The following THSD7A variants were observed in gnomAD, a reference collection of about 807,000 sequenced individuals.
THSD7A encodes thrombospondin type 1 domain containing 7A, also known as thrombospondin type-1 domain-containing protein 7A.
Under a neutral mutation model 231.3 loss-of-function variants are expected in THSD7A, and 96 were observed. The observed-to-expected ratio is 0.41, with a 90% CI of 0.35 to 0.49. The LOEUF (loss-of-function observed/expected upper bound fraction) is 0.49, where lower values mean the gene tolerates loss of function less well. Ranked by LOEUF, THSD7A falls within the 20% of genes least tolerant of loss-of-function variation. THSD7A has a pLI of 0.05. For missense variants in THSD7A, 2,290 were observed against 2,070.2 expected, an observed-to-expected ratio of 1.11 and a Z score of -2.06; for synonymous variants, 940 against 743.3, an observed-to-expected ratio of 1.26 and a Z score of -4.30.
chr7:11,423,598 T>C (rs1425379382), intron 16 of THSD7A, among the ~76,000 whole-genome samples: 1 of 152,106 alleles, frequency 6.6e-6, no homozygotes, highest in Non-Finnish European at 1.5e-5. Context: ...CTCAATCTCC[T>C]GACCTCGTGA....
intron 1 of THSD7A, among the ~76,000 whole-genome samples, chr7:11,673,125 G>A (rs1302846695): frequency 1.3e-5 from 2 of 152,136 alleles, no homozygotes; most frequent in African/African-American, 2.4e-5. Context: ...CACTATGCTT[G>A]AAGAGGGAGG....
chr7:11,561,232 T>C (rs974349916), intron 4 of THSD7A, among the ~76,000 whole-genome samples: 5 of 152,192 alleles, frequency 3.3e-5, no homozygotes, highest in Admixed American at 6.5e-5. Flanking sequence ...CATATGCATA[T>C]TTATTTAATA....
At chr7:11,612,167 C>T (rs930230837) in intron 2 of THSD7A, among the ~76,000 whole-genome samples, 31 of 152,230 alleles carry the variant, frequency 2.0e-4, no homozygotes, top group African/African-American at 6.7e-4. Context: ...CCATGCTGTT[C>T]TCCCTCTCCA....
In THSD7A at chr7:11,593,453, T is replaced by A. The variant is rs1039693575; in HGVS notation, c.1072A>T (p.Thr358Ser). ...CACTCGGAAACCTGGCACTCTTTGGTGATCACACAGGACTGGAAGGTCATT... is the reference window on the plus strand; with the variant it reads ...CACTCGGAAACCTGGCACTCTTTGGAGATCACACAGGACTGGAAGGTCATT... ...LPMTFQSCVITKECQVSEWSE... is the reference protein window; with the variant it reads ...LPMTFQSCVISKECQVSEWSE... Residue 358 changes from threonine (T) to serine (S), a missense_variant, in exon 3 of 28, where the codon ACC becomes TCC. Physicochemically the swap from Thr to Ser is moderately conservative, Grantham distance 58. Transcript: ENST00000423059. The A allele has an allele frequency of 4.3e-6, 7 of 1,613,898 alleles. No individual in the cohort carries two copies. The African/African-American group carries it at 5.3e-5, about 12-fold the overall frequency.
intron 6 of THSD7A, 23 bp from the exon 7 acceptor site, chr7:11,482,005 C>G: frequency 1.3e-6 from 2 of 1,565,234 alleles, no homozygotes; most frequent in Non-Finnish European, 1.7e-6. Context: ...TGACCACCAA[C>G]AGCTATTATT....
chr7:11,469,021 G>C (rs1196400849), intron 9 of THSD7A, among the ~76,000 whole-genome samples: 1 of 151,994 alleles, frequency 6.6e-6, no homozygotes, highest in Non-Finnish European at 1.5e-5. Context: ...TAAAGGATTT[G>C]ATTAAATTTT....
At chr7:11,823,300 C>T (rs926670659) in intron 1 of THSD7A, among the ~76,000 whole-genome samples, 2 of 151,976 alleles carry the variant, frequency 1.3e-5, no homozygotes, top group African/African-American at 4.8e-5. Context: ...CCATTCTATT[C>T]CATTGATCTA....
intron 1 of THSD7A, among the ~76,000 whole-genome samples, chr7:11,706,512 A>C (rs1192157582): frequency 6.6e-6 from 1 of 150,668 alleles, no homozygotes; most frequent in African/African-American, 2.4e-5. Flanking sequence ...TTAAGGCAAG[A>C]CACGTGTGTT....
chr7:11,721,869 A>G (rs1255660039), intron 1 of THSD7A, among the ~76,000 whole-genome samples: 1 of 151,836 alleles, frequency 6.6e-6, no homozygotes, highest in African/African-American at 2.4e-5. Flanking sequence ...TTATATCTCT[A>G]CAACTTCATT....
intron 8 of THSD7A, among the ~76,000 whole-genome samples, chr7:11,472,834 C>T (rs1695952850): frequency 6.6e-6 from 1 of 152,114 alleles, no homozygotes; most frequent in Non-Finnish European, 1.5e-5. Context: ...CTGGTAGAAG[C>T]TCAGCACAAT....
intron 7 of THSD7A, among the ~76,000 whole-genome samples, chr7:11,475,920 A>AAAATAAAT (rs913142169): frequency 6.7e-6 from 1 of 149,656 alleles, no homozygotes; most frequent in Non-Finnish European, 1.5e-5. Context: ...GAACTTAACA[A>AAAATAAAT]AAATAAATAC....
chr7:11,621,856 G>C (rs1425785760), intron 2 of THSD7A, among the ~76,000 whole-genome samples: 1 of 152,058 alleles, frequency 6.6e-6, no homozygotes, highest in Non-Finnish European at 1.5e-5. Flanking sequence ...TCAATGGCCT[G>C]GCTGTTGCAG....
intron 1 of THSD7A, among the ~76,000 whole-genome samples, chr7:11,782,933 T>C (rs534965934): frequency 6.6e-6 from 1 of 152,298 alleles, no homozygotes; most frequent in South Asian, 2.1e-4. Flanking sequence ...AAATACAAAC[T>C]GTGTTTTTTG....
intron 1 of THSD7A, among the ~76,000 whole-genome samples, chr7:11,726,834 T>A (rs1781563964): frequency 6.6e-6 from 1 of 151,944 alleles, no homozygotes; most frequent in South Asian, 2.1e-4. Context: ...AAAACATAAA[T>A]ACCGCATCCC....
At chr7:11,702,598 C>T (rs962716934) in intron 1 of THSD7A, among the ~76,000 whole-genome samples, 15 of 151,182 alleles carry the variant, frequency 9.9e-5, no homozygotes, top group Admixed American at 9.9e-4. Context: ...AATTGAATTG[C>T]AGTTTTAATT....
At chr7:11,674,220 C>T (rs140381436) in intron 1 of THSD7A, among the ~76,000 whole-genome samples, 1 of 152,176 alleles carries the variant, frequency 6.6e-6, no homozygotes, top group East Asian at 2.0e-4. Flanking sequence ...CCACCAAAGC[C>T]TGGAAATGGA....
At position 11,636,856 on chromosome 7, in the gene THSD7A, C is replaced by CA; in HGVS notation, c.295dup (p.Cys99LeufsTer2). 6 of 1,613,956 alleles carry CA rather than the reference C, an allele frequency of 3.7e-6. No homozygotes were observed. Among genetic ancestry groups the CA allele is most frequent in the Non-Finnish European group, 4.2e-6 (5 of 1,179,892 alleles). On this transcript the variant is annotated frameshift_variant, in exon 2 of 28. Coordinates refer to ENST00000423059, the MANE Select transcript of THSD7A (RefSeq NM_015204.3). LOFTEE classifies it high-confidence loss of function. The surrounding 1 kb of genome is among the most constrained non-coding windows in gnomAD (Gnocchi z 10.0). ...GTTATTGGGTCTCTCGGCCTGCTTA[C>CA]AGTTAGTATGCAGTGTAGTCCATCC...
At chr7:11,525,684 T>C (rs1349070419) in intron 6 of THSD7A, among the ~76,000 whole-genome samples, 2 of 152,188 alleles carry the variant, frequency 1.3e-5, no homozygotes, top group Non-Finnish European at 2.9e-5. Flanking sequence ...AAAGATATTC[T>C]TACCTACATG....
intron 2 of THSD7A, among the ~76,000 whole-genome samples, chr7:11,621,513 C>A (rs1781310508): frequency 6.6e-6 from 1 of 151,994 alleles, no homozygotes; most frequent in Non-Finnish European, 1.5e-5. Flanking sequence ...TTTGGTTTAC[C>A]TTACTTTTTT....
Sources: gnomAD v4.1 joint callset for allele counts (sites outside exome capture counted in the v4.1 genomes callset) on GRCh38, gnomAD v4.1.1 for gene constraint, Gnocchi (gnomAD v3.1) non-coding constraint, MANE v1.5 for transcripts, NCBI Gene and HGNC (gene_info 2026-07-23, HGNC 2026-07-21) for gene names.